The following LOC400499 variants were observed in gnomAD, a reference collection of about 807,000 sequenced individuals.
the LOC400499 span, chr16:11,391,919 A>C: frequency 1.1e-6 from 1 of 902,736 alleles, no homozygotes; most frequent in Non-Finnish European, 1.5e-6. Context: ...AGAGCCCCAG[A>C]CCCTCCTGCC....
chr16:11,419,002 C>G, the LOC400499 span, among the ~76,000 whole-genome samples: 1 of 152,176 alleles, frequency 6.6e-6, no homozygotes, highest in African/African-American at 2.4e-5. Flanking sequence ...CCCGTCTCTA[C>G]TAAAAATACA....
At chr16:11,448,780 T>A in the LOC400499 span, 1 of 506,230 alleles carries the variant, frequency 2.0e-6, no homozygotes, top group Non-Finnish European at 3.3e-6. Flanking sequence ...GAAAGAGAAA[T>A]AGAGGCTCCA....
chr16:11,383,044 G>GAGTACAAAGAGAGGA, the LOC400499 span, among the ~76,000 whole-genome samples: 2 of 150,952 alleles, frequency 1.3e-5, no homozygotes, highest in South Asian at 2.1e-4. Context: ...CAGGAGGAGA[G>GAGTACAAAGAGAGGA]AGTACAAAGA....
chr16:11,435,577 G>C, the LOC400499 span: 1 of 398,696 alleles, frequency 2.5e-6, no homozygotes, highest in Non-Finnish European at 4.4e-6. Context: ...GGGCCTCTGA[G>C]TGAGGATCTC....
At chr16:11,491,436 G>A in the LOC400499 span, among the ~76,000 whole-genome samples, 4 of 152,144 alleles carry the variant, frequency 2.6e-5, no homozygotes, top group African/African-American at 9.7e-5. Flanking sequence ...TTTTACAGAT[G>A]AGGAAACTGA....
the LOC400499 span, among the ~76,000 whole-genome samples, chr16:11,382,029 T>C: frequency 6.6e-6 from 1 of 151,908 alleles, no homozygotes; most frequent in African/African-American, 2.4e-5. Context: ...TGCAACCTCC[T>C]GGGTTCAAGC....
chr16:11,425,131 C>G, the LOC400499 span: 2 of 399,018 alleles, frequency 5.0e-6, no homozygotes, highest in Non-Finnish European at 8.8e-6. Context: ...CTACCTGCAT[C>G]ACTCAGCGTG....
chr16:11,430,465 G>A, the LOC400499 span, among the ~76,000 whole-genome samples: 6 of 152,184 alleles, frequency 3.9e-5, no homozygotes, highest in African/African-American at 1.2e-4. Flanking sequence ...ACTCCAGCCT[G>A]GGGGACAAGA....
chr16:11,497,943 T>C, the LOC400499 span, among the ~76,000 whole-genome samples: 3 of 152,216 alleles, frequency 2.0e-5, no homozygotes, highest in African/African-American at 7.2e-5. Context: ...CTTTTTCATT[T>C]TTAAAGATGG....
the LOC400499 span, among the ~76,000 whole-genome samples, chr16:11,512,851 C>G: frequency 6.6e-6 from 1 of 152,148 alleles, no homozygotes; most frequent in Non-Finnish European, 1.5e-5. Flanking sequence ...GGTCGGTGTG[C>G]GGGGAGGGCA....
the LOC400499 span, chr16:11,460,605 C>T: frequency 2.9e-4 from 451 of 1,532,802 alleles, 1 homozygote; most frequent in Non-Finnish European, 3.7e-4. Flanking sequence ...GCCTGCTTTG[C>T]CTGACCTGTG....
chr16:11,375,873 G>A, the LOC400499 span, among the ~76,000 whole-genome samples: 39 of 151,994 alleles, frequency 2.6e-4, no homozygotes, highest in Non-Finnish European at 4.9e-4. Flanking sequence ...GGGATTACAC[G>A]CATGCACCAC....
chr16:11,431,063 G>C, the LOC400499 span: 32 of 398,980 alleles, frequency 8.0e-5, no homozygotes, highest in Admixed American at 4.4e-5. Context: ...TTCTGCTTCA[G>C]CCTTCCTGTG....
the LOC400499 span, chr16:11,443,586 A>C: frequency 3.3e-6 from 1 of 307,404 alleles, no homozygotes; most frequent in Non-Finnish European, 6.4e-6. Flanking sequence ...CAGAGTATCA[A>C]CTCCTCCTAG....
At chr16:11,473,525 C>T in the LOC400499 span, among the ~76,000 whole-genome samples, 1 of 151,924 alleles carries the variant, frequency 6.6e-6, no homozygotes, top group African/African-American at 2.4e-5. Flanking sequence ...GAAGCCAAAG[C>T]AGGCGGATCA....
chr16:11,377,956 A>G, the LOC400499 span, among the ~76,000 whole-genome samples: 1 of 152,112 alleles, frequency 6.6e-6, no homozygotes. Flanking sequence ...CTCTGATTCA[A>G]TCTCCTTGGT....
At chr16:11,507,228 C>T in the LOC400499 span, among the ~76,000 whole-genome samples, 1 of 152,196 alleles carries the variant, frequency 6.6e-6, no homozygotes, top group Non-Finnish European at 1.5e-5. Context: ...CACAGAGCAG[C>T]GGTCCCCTAC....
At chr16:11,393,415 G>A in the LOC400499 span, 1 of 1,232,308 alleles carries the variant, frequency 8.1e-7, no homozygotes, top group Non-Finnish European at 1.0e-6. Flanking sequence ...ACAGAGGCCT[G>A]CAGACAGCTT....
chr16:11,390,771 C>G, the LOC400499 span, among the ~76,000 whole-genome samples: 1 of 152,128 alleles, frequency 6.6e-6, no homozygotes. Context: ...GTGGTTTATG[C>G]CGGACCCCTG....
Sources: allele counts gnomAD v4.1 joint callset (sites outside exome capture counted in the v4.1 genomes callset), GRCh38; gene constraint gnomAD v4.1.1; transcripts MANE v1.5.